The following MAST2 variants were observed in gnomAD, a reference collection of about 807,000 sequenced individuals.
The protein encoded by MAST2 is microtubule-associated serine/threonine-protein kinase 2.
In MAST2, 70 loss-of-function variants were observed where a neutral mutation model predicts 147.4. The ratio of observed to expected loss-of-function variants is 0.47; its 90% CI spans 0.39 to 0.58. The LOEUF is 0.58. Ranked by LOEUF, MAST2 falls within the 20% of genes least tolerant of loss-of-function variation. The pLI, the probability that MAST2 is intolerant of heterozygous loss-of-function variation, is 0.00. For synonymous variants in MAST2, 869 were observed against 896.8 expected, an observed-to-expected ratio of 0.97 and a Z score of 0.55; for missense variants, 2,080 against 2,302.3, an observed-to-expected ratio of 0.90 and a Z score of 1.98.
chr1:45,963,179 G>A (rs186532903), intron 5 of MAST2, among the ~76,000 whole-genome samples: 11 of 152,330 alleles, frequency 7.2e-5, no homozygotes, highest in Non-Finnish European at 5.9e-5. Context: ...TTGTAGTATA[G>A]TTTGAAGTCA....
chr1:46,030,871 C>A, intron 22 of MAST2, 110 bp downstream of exon 22: 1 of 1,465,742 alleles, frequency 6.8e-7, no homozygotes, highest in African/African-American at 1.4e-5. Flanking sequence ...AGGGAGGGGG[C>A]ATTCACAAGG....
chr1:45,954,248 A>G (rs898472031), intron 4 of MAST2, among the ~76,000 whole-genome samples: 6 of 152,092 alleles, frequency 3.9e-5, no homozygotes, highest in Non-Finnish European at 8.8e-5. Context: ...CAGGCTTCCT[A>G]AGTAAATTTA....
At chr1:45,842,040 C>G (rs144477237) in intron 3 of MAST2, among the ~76,000 whole-genome samples, 98 of 152,228 alleles carry the variant, frequency 6.4e-4, no homozygotes, top group African/African-American at 2.2e-3. Flanking sequence ...TTCAATTTTT[C>G]AGATAAGGAG....
intron 1 of MAST2, among the ~76,000 whole-genome samples, 178 bp from the exon 2 acceptor site, chr1:45,824,255 T>C (rs938456035): frequency 6.6e-6 from 1 of 152,222 alleles, no homozygotes; most frequent in African/African-American, 2.4e-5. Flanking sequence ...TCCTGTGTCC[T>C]TTACAGCATA....
chr1:45,898,922 G>T (rs539868426), intron 4 of MAST2, among the ~76,000 whole-genome samples: 1 of 152,182 alleles, frequency 6.6e-6, no homozygotes, highest in African/African-American at 2.4e-5. Flanking sequence ...AATCTCCTTA[G>T]GGCCATGCTC....
chr1:45,930,003 T>C (rs1655015236), intron 4 of MAST2, among the ~76,000 whole-genome samples: 3 of 152,216 alleles, frequency 2.0e-5, no homozygotes, highest in South Asian at 2.1e-4. Flanking sequence ...ATTGTCAAGC[T>C]TTTGAATTTT....
Position 46,016,349 on chromosome 1 carries a change from G to A in MAST2, c.1189-3247G>A, listed in dbSNP as rs1462923974. Among the ~76,000 whole-genome samples, 18 of 151,886 alleles carry A rather than the reference G, an allele frequency of 1.2e-4. No individual in the cohort carries two copies. In the East Asian group the frequency reaches 3.3e-3, roughly 28 times the overall value. On this transcript the variant is annotated intron_variant, in intron 10 of 28. Coordinates refer to ENST00000361297, the MANE Select transcript of MAST2 (RefSeq NM_015112.3). ...TGGCCAGGGCAATGAGGCAGGAGAA[G>A]GAAATAAAGGGTATTCAATTAGGAA...
At chr1:46,018,972 T>C (rs1646071199) in intron 10 of MAST2, among the ~76,000 whole-genome samples, 3 of 152,232 alleles carry the variant, frequency 2.0e-5, no homozygotes, top group Admixed American at 2.0e-4. Flanking sequence ...ACTATTTCAC[T>C]TATTCATTGT....
intron 5 of MAST2, among the ~76,000 whole-genome samples, chr1:45,966,588 G>C (rs1461065062): frequency 2.0e-5 from 3 of 152,104 alleles, no homozygotes; most frequent in African/African-American, 7.2e-5. Context: ...CAGACATGGT[G>C]GTGTGCACCT....
At position 45,851,942 on chromosome 1, in the gene MAST2, G is replaced by A. The variant is rs570874539; in HGVS notation, c.468+22361G>A. Among the ~76,000 whole-genome samples, 50 of 151,992 alleles carry A rather than the reference G, an allele frequency of 3.3e-4. No individual in the cohort carries two copies. The South Asian group carries it at 5.6e-3, about 17-fold the overall frequency. On this transcript the variant is annotated intron_variant, in intron 3 of 28. Coordinates refer to ENST00000361297, the MANE Select transcript of MAST2 (RefSeq NM_015112.3). ...GGGAGATACTAAAATGAAAATATAG[G>A]AATTTCCTTTTTTTTCAGTTATTTA...
In MAST2 at chr1:46,023,584, A is replaced by G. The variant is rs1646279165; in HGVS notation, c.1572-188A>G. 5 of 634,404 alleles carry G rather than the reference A, an allele frequency of 7.9e-6. No individual in the cohort carries two copies. The East Asian group carries it at 8.2e-5, about 10-fold the overall frequency. The allele number at this position is 634,404 out of a possible 1,614,324, so 39.3% of individuals were successfully genotyped here. On this transcript the variant is annotated intron_variant, in intron 14 of 28. Transcript: ENST00000361297. This position sits in a 1 kb window ranked among gnomAD's most constrained non-coding sequence, Gnocchi z 4.9. ...GGAAGCATTGAGCCGTGTCATCAGG[A>G]CATGGTCTATCAAGAAGTTTAAGAG...
At chr1:45,958,390 C>T (rs1443380350) in intron 4 of MAST2, among the ~76,000 whole-genome samples, 2 of 152,010 alleles carry the variant, frequency 1.3e-5, no homozygotes, top group African/African-American at 4.8e-5. Context: ...TTTCTCTCTG[C>T]CTCTCAGCTC....
intron 3 of MAST2, among the ~76,000 whole-genome samples, chr1:45,854,168 A>G (rs186015571): frequency 9.6e-4 from 146 of 151,948 alleles, no homozygotes; most frequent in Non-Finnish European, 1.7e-3. Context: ...GCAAAACCCT[A>G]TCTACTAAAA....
intron 3 of MAST2, among the ~76,000 whole-genome samples, chr1:45,856,774 A>T (rs1645803469): frequency 6.6e-6 from 1 of 151,822 alleles, no homozygotes; most frequent in Non-Finnish European, 1.5e-5. Context: ...GGGAGAAGTT[A>T]TCCTTTAGAT....
intron 4 of MAST2, among the ~76,000 whole-genome samples, chr1:45,887,706 A>T (rs1647157636): frequency 6.6e-6 from 1 of 152,218 alleles, no homozygotes; most frequent in South Asian, 2.1e-4. Context: ...TGCTGCATAC[A>T]CATAATAAAC....
At chr1:45,816,999 T>C (rs1474457167) in intron 1 of MAST2, among the ~76,000 whole-genome samples, 1 of 151,918 alleles carries the variant, frequency 6.6e-6, no homozygotes, top group Non-Finnish European at 1.5e-5. Context: ...ATTAGTGAGC[T>C]CGAAGACAGG....
At chr1:46,001,220 T>C (rs1490944505) in intron 6 of MAST2, among the ~76,000 whole-genome samples, 1 of 152,226 alleles carries the variant, frequency 6.6e-6, no homozygotes, top group Non-Finnish European at 1.5e-5. Context: ...TCCAAACTTC[T>C]GAGCTTAGGG....
At chr1:45,847,711 C>G (rs916492596) in intron 3 of MAST2, 1 of 265,908 alleles carries the variant, frequency 3.8e-6, no homozygotes, top group Admixed American at 5.1e-5. Flanking sequence ...CCAAATCCCC[C>G]TGGGGCCTCC....
Position 45,943,737 on chromosome 1 carries a change from ACTCTGT to A in MAST2, c.501-15645_501-15640del, listed in dbSNP as rs1462725999. Among the ~76,000 whole-genome samples the A allele has an allele frequency of 2.0e-5, 3 of 152,020 alleles. No individual in the cohort carries two copies. The East Asian group carries it at 5.8e-4, about 29-fold the overall frequency. The stretch of plus-strand genomic sequence containing the variant: ...CTCCAGCCTGGGCAACAAGAGCAAA[ACTCTGT>A]CTCAAAAAATAAATAAATAAATAAA... On this transcript the variant is annotated intron_variant, in intron 4 of 28. Coordinates refer to ENST00000361297, the MANE Select transcript of MAST2 (RefSeq NM_015112.3).
Sources: gnomAD v4.1 joint callset for allele counts (sites outside exome capture counted in the v4.1 genomes callset) on GRCh38, gnomAD v4.1.1 for gene constraint, Gnocchi (gnomAD v3.1) non-coding constraint, MANE v1.5 for transcripts, NCBI Gene and HGNC (gene_info 2026-07-23, HGNC 2026-07-21) for gene names.